DHX35: variants seen among roughly 807,000 people sequenced by gnomAD.
DHX35 encodes DEAH-box helicase 35, also known as probable ATP-dependent RNA helicase DHX35.
In DHX35, 84 loss-of-function variants were observed where a neutral mutation model predicts 99.6. The ratio of observed to expected loss-of-function variants is 0.84; its 90% CI spans 0.71 to 1.01. The LOEUF (loss-of-function observed/expected upper bound fraction) is 1.01. Ranked by LOEUF, DHX35 falls within the 50% of genes least tolerant of loss-of-function variation. The pLI is 0.00. For synonymous variants in DHX35, 331 were observed against 316.2 expected, an observed-to-expected ratio of 1.05 and a Z score of -0.50; for missense variants, 852 against 888.5, an observed-to-expected ratio of 0.96 and a Z score of 0.52.
chr20:38,965,810 T>G (rs543710012), intron 1 of DHX35, among the ~76,000 whole-genome samples: 6 of 152,328 alleles, frequency 3.9e-5, no homozygotes, highest in African/African-American at 1.2e-4. Context: ...ACAAAAATCT[T>G]TTACTTAATT....
At chr20:38,987,944 T>G (rs1483940152) in intron 4 of DHX35, among the ~76,000 whole-genome samples, 1 of 152,312 alleles carries the variant, frequency 6.6e-6, no homozygotes, top group East Asian at 1.9e-4. Flanking sequence ...CTTAGCTTTT[T>G]GCCTTCGATG....
In DHX35 at chr20:38,998,648, T is replaced by C. The variant is rs933511834; in HGVS notation, c.643-3082T>C. Among the ~76,000 whole-genome samples, 11 of 152,350 alleles carry C rather than the reference T, an allele frequency of 7.2e-5. No homozygotes were observed. The South Asian group carries it at 1.7e-3, about 23-fold the overall frequency. ...TTCTTTTCTGGGTGTGTTGAACTTA[T>C]TTTACTCTTCTTGTTCCTTGATTCT... On this transcript the variant is annotated intron_variant, in intron 8 of 21. Transcript: ENST00000252011.
rs764748894 is a variant in DHX35 at position 38,988,795 on chromosome 20, T to C, written c.346-18T>C. 6.2e-7 allele frequency: 1 copy of C among 1,613,290 alleles called. No homozygotes were observed. The highest frequency in any genetic ancestry group is 1.1e-5 in the South Asian group (1 of 91,044). On this transcript the variant is annotated intron_variant, in intron 4 of 21. Coordinates refer to ENST00000252011, the MANE Select transcript of DHX35 (RefSeq NM_021931.4). The stretch of plus-strand genomic sequence containing the variant: ...AATTTCTATGTCTCTATTTTCAGCA[T>C]GATCTTTCTTCCCAAAGGTTGCAGG...
At chr20:39,000,856 C>CCCT (rs2086508374) in intron 8 of DHX35, among the ~76,000 whole-genome samples, 1 of 152,132 alleles carries the variant, frequency 6.6e-6, no homozygotes, top group African/African-American at 2.4e-5. Flanking sequence ...TATCCATGCC[C>CCCT]CCTCTGCAGT....
At chr20:38,988,777 A>G (rs371371893) in intron 4 of DHX35, 36 bp from the exon 5 acceptor site, 275 of 1,612,042 alleles carry the variant, frequency 1.7e-4, no homozygotes, top group Non-Finnish European at 2.2e-4. Flanking sequence ...AGTAATTTCT[A>G]TGTCTCTATT....
At chr20:38,978,084 TC>T in intron 3 of DHX35, 1 of 760,650 alleles carries the variant, frequency 1.3e-6, no homozygotes. Flanking sequence ...CTAAGTGCTG[TC>T]CACTAATATG....
At position 39,003,681 on chromosome 20, in the gene DHX35, T is replaced by C. The variant is rs2086561710; in HGVS notation, c.853-68T>C. The C allele has an allele frequency of 3.9e-6, 6 of 1,535,766 alleles. No individual in the cohort carries two copies. In the East Asian group the frequency reaches 6.8e-5, roughly 18 times the overall value. On this transcript the variant is annotated intron_variant, in intron 10 of 21. Transcript: ENST00000252011. ...TCCAGATCCCAACTTTTATTTTCTT[T>C]CAGTATGATAAAATAGCATGCTTTA...
At position 39,003,761 on chromosome 20, in the gene DHX35, A is replaced by G; in HGVS notation, c.865A>G (p.Thr289Ala). The G allele has an allele frequency of 1.2e-6, 2 of 1,613,352 alleles. No individual in the cohort carries two copies. The highest frequency in any genetic ancestry group is 1.7e-6 in the Non-Finnish European group (2 of 1,179,382). Residue 289 changes from threonine to alanine, a missense_variant, in exon 11 of 22, where the codon ACT (threonine) becomes GCT (alanine). Transcript: ENST00000252011. ...TCAACGTCTTTAGGAAGAGGTAGAA[A>G]CTGTTGTGTCGATGCTCATCGAGCA... ...AFLTGQEEVETVVSMLIEQAR... is the reference protein window; with the variant it reads ...AFLTGQEEVEAVVSMLIEQAR...
intron 14 of DHX35, 57 bp from the exon 15 acceptor site, chr20:39,018,747 G>T: frequency 6.6e-7 from 1 of 1,510,868 alleles, no homozygotes; most frequent in Non-Finnish European, 9.2e-7. Context: ...CAGCAACTGT[G>T]TGCCTTCCAA....
Position 39,021,826 on chromosome 20 carries a change from C to G in DHX35, c.1499-15C>G, listed in dbSNP as rs1568755576. 2 of 1,612,986 alleles carry G rather than the reference C, an allele frequency of 1.2e-6. No homozygotes were observed. The highest frequency in any genetic ancestry group is 1.1e-5 in the South Asian group (1 of 91,050). ...CATTATATGGTTGAAACCAAACATG[C>G]TTTTTGTTTTACAGGAAACTTCGGC... On this transcript the variant is annotated splice_polypyrimidine_tract_variant and intron_variant, in intron 15 of 21. Coordinates refer to ENST00000252011, the MANE Select transcript of DHX35 (RefSeq NM_021931.4).
At chr20:39,035,164 C>T (rs2087128509) in intron 21 of DHX35, among the ~76,000 whole-genome samples, 1 of 152,176 alleles carries the variant, frequency 6.6e-6, no homozygotes, top group Admixed American at 6.5e-5. Flanking sequence ...CTCTGCTTCC[C>T]AGGTTCAAGT....
chr20:38,982,378 A>G (rs2086187109), intron 3 of DHX35, among the ~76,000 whole-genome samples: 1 of 152,166 alleles, frequency 6.6e-6, no homozygotes, highest in Admixed American at 6.5e-5. Flanking sequence ...TTTTTCCATC[A>G]TTCCTTAGGT....
Position 38,971,143 on chromosome 20 carries a change from A to G in DHX35, c.175-1416A>G, listed in dbSNP as rs541227309. On this transcript the variant is annotated intron_variant, in intron 2 of 21. Coordinates refer to ENST00000252011, the MANE Select transcript of DHX35 (RefSeq NM_021931.4). ...TGAGGCGGGTGGATCACTTGAGACA[A>G]GGAGTTCGAGACCAACCTGGCAAAC... Among the ~76,000 whole-genome samples the G allele has an allele frequency of 1.4e-4, 22 of 152,206 alleles. No homozygotes were observed. In the South Asian group the frequency reaches 4.2e-3, roughly 29 times the overall value.
At chr20:38,963,016 G>A (rs1455253081) in intron 1 of DHX35, 1 of 152,586 alleles carries the variant, frequency 6.6e-6, no homozygotes, top group Non-Finnish European at 1.5e-5. Context: ...TTTCTTTTAG[G>A]ATAATTGTTG....
intron 8 of DHX35, 93 bp downstream of exon 8, chr20:38,994,973 G>A: frequency 9.2e-7 from 1 of 1,089,980 alleles, no homozygotes; most frequent in Non-Finnish European, 1.4e-6. Flanking sequence ...GCTTATCTTT[G>A]GCAGAATGCC....
At chr20:38,994,127 G>A (rs2086385836) in intron 7 of DHX35, among the ~76,000 whole-genome samples, 1 of 151,990 alleles carries the variant, frequency 6.6e-6, no homozygotes. Context: ...TTATTCCATT[G>A]CCAAAGATTT....
Position 39,018,905 on chromosome 20 carries a change from T to C in DHX35, c.1498+6T>C, listed in dbSNP as rs1328161812. ...CAAAATGCTGCTTGAATCAGGTGGG[T>C]AGAGCCTGATAGCTTGAATTGATTT... On this transcript the variant is annotated splice_donor_region_variant and intron_variant, in intron 15 of 21. Coordinates refer to ENST00000252011, the MANE Select transcript of DHX35 (RefSeq NM_021931.4). 1 of 1,612,722 alleles carries C rather than the reference T, an allele frequency of 6.2e-7. No individual in the cohort carries two copies. Among genetic ancestry groups the C allele is most frequent in the African/African-American group, 1.3e-5 (1 of 74,876 alleles).
Position 38,991,523 on chromosome 20 carries a change from T to G in DHX35, c.512+8T>G, listed in dbSNP as rs750324996. On this transcript the variant is annotated splice_region_variant and intron_variant, in intron 6 of 21. Transcript: ENST00000252011. ...GTTGTTAACAAAATATAGGTAAATG[T>G]GTTTTTCTTATGATAGCTTTCCTAG... 4 of 1,612,166 alleles carry G rather than the reference T, an allele frequency of 2.5e-6. No individual in the cohort carries two copies. Among genetic ancestry groups the G allele is most frequent in the Non-Finnish European group, 3.4e-6 (4 of 1,179,038 alleles).
At chr20:39,006,989 T>C (rs149512176) in intron 12 of DHX35, among the ~76,000 whole-genome samples, 1 of 152,202 alleles carries the variant, frequency 6.6e-6, no homozygotes, top group African/African-American at 2.4e-5. Flanking sequence ...TCTCTGCACT[T>C]CTCTTCTGTG....
Sources: allele counts gnomAD v4.1 joint callset (sites outside exome capture counted in the v4.1 genomes callset), GRCh38; gene constraint gnomAD v4.1.1; transcripts MANE v1.5; gene names NCBI Gene and HGNC (gene_info 2026-07-23, HGNC 2026-07-21).